The following COL12A1 variants were observed in gnomAD, a reference collection of about 807,000 sequenced individuals.
COL12A1 encodes the protein collagen type XII alpha 1 chain.
In COL12A1, 114 loss-of-function variants were observed where a neutral mutation model predicts 349.7. That is an observed-to-expected ratio of 0.33 (90% CI 0.28 to 0.38). The LOEUF (loss-of-function observed/expected upper bound fraction) is 0.38. COL12A1 is among the 10% of genes least tolerant of loss of function. The pLI is 1.00. For missense variants in COL12A1, 3,284 were observed against 3,756.9 expected (o/e 0.87, Z 3.29); for synonymous variants, 1,369 against 1,329.0 (o/e 1.03, Z -0.66).
At chr6:75,128,474 A>T (rs374239314) in intron 37 of COL12A1, 49 bp from the exon 38 acceptor site, 1 of 1,447,822 alleles carries the variant, frequency 6.9e-7, no homozygotes, top group Non-Finnish European at 9.2e-7. Flanking sequence ...GAAGACTTCC[A>T]GATCAAAAGA....
chr6:75,088,630 C>T (rs1767615067), intron 64 of COL12A1, among the ~76,000 whole-genome samples: 1 of 151,968 alleles, frequency 6.6e-6, no homozygotes, highest in South Asian at 2.1e-4. Flanking sequence ...ACAAAGGGAA[C>T]ATGAAAATGA....
At chr6:75,200,948 A>C (rs943502692) in intron 2 of COL12A1, among the ~76,000 whole-genome samples, 2 of 151,722 alleles carry the variant, frequency 1.3e-5, no homozygotes, top group Non-Finnish European at 2.9e-5. Flanking sequence ...TAAGAAGCAA[A>C]AAAAAAAAGA....
In COL12A1 at chr6:75,183,455, T is replaced by C. The variant is rs1438903540; in HGVS notation, c.1486A>G (p.Lys496Glu). The C allele has an allele frequency of 1.2e-6, 2 of 1,614,086 alleles. No homozygotes were observed. Among genetic ancestry groups the C allele is most frequent in the African/African-American group, 2.7e-5 (2 of 74,940 alleles). The change falls in exon 10 of 66, where the codon AAA (lysine) becomes GAA (glutamate). Residue 496 changes from lysine (K) to glutamate (E), a missense_variant. Lys to Glu is a moderately conservative substitution (Grantham distance 56). Around this residue, in one of 2 missense-constraint regions of COL12A1, gnomAD observed 2,601 missense variants for 2,824.8 expected, o/e 0.92. Transcript: ENST00000322507. ...ATTATATCTTCAACTTTGGTGAATT[T>C]TTTCAAAGTGAACTCAGTATGAGGA... ...RDPHTEFTLK[K>E]FTKVEDIIEA...
At chr6:75,158,372 G>GT (rs1263354627) in intron 14 of COL12A1, among the ~76,000 whole-genome samples, 1 of 152,110 alleles carries the variant, frequency 6.6e-6, no homozygotes, top group Non-Finnish European at 1.5e-5. Context: ...ATAAAGGAAG[G>GT]TGACCACACA....
intron 57 of COL12A1, 84 bp downstream of exon 57, chr6:75,101,915 A>C (rs181043725): frequency 2.1e-6 from 3 of 1,439,830 alleles, no homozygotes; most frequent in African/African-American, 1.4e-5. Context: ...CTGCTTTGCT[A>C]CTTAATCTGG....
chr6:75,145,612 T>C (rs1767138456), intron 24 of COL12A1, among the ~76,000 whole-genome samples, 157 bp from the exon 25 acceptor site: 1 of 119,838 alleles, frequency 8.3e-6, no homozygotes. Context: ...TGATGTTTTC[T>C]TTTTTTTTTT....
At chr6:75,170,650 A>G (rs1768578283) in intron 13 of COL12A1, among the ~76,000 whole-genome samples, 1 of 152,228 alleles carries the variant, frequency 6.6e-6, no homozygotes, top group Admixed American at 6.5e-5. Flanking sequence ...TCACAGAAAA[A>G]GGAAATAGAA....
intron 12 of COL12A1, among the ~76,000 whole-genome samples, 178 bp from the exon 13 acceptor site, chr6:75,175,488 T>A (rs1338938133): frequency 6.6e-6 from 1 of 152,230 alleles, no homozygotes; most frequent in African/African-American, 2.4e-5. Context: ...TCAGACCCTA[T>A]ATGTTAGTAG....
At chr6:75,164,535 T>C (rs1227069387) in intron 14 of COL12A1, among the ~76,000 whole-genome samples, 1 of 152,188 alleles carries the variant, frequency 6.6e-6, no homozygotes, top group Non-Finnish European at 1.5e-5. Flanking sequence ...ACAAATGACA[T>C]TTGCTTTGGT....
intron 5 of COL12A1, 67 bp from the exon 6 acceptor site, chr6:75,189,882 T>G: frequency 6.5e-7 from 1 of 1,531,650 alleles, no homozygotes; most frequent in Non-Finnish European, 8.8e-7. Flanking sequence ...CATGTTAACA[T>G]TGCAAAAATG....
At position 75,105,224 on chromosome 6, in the gene COL12A1, T is replaced by G; in HGVS notation, c.8247A>C (p.Pro2749=). 1 of 1,613,644 alleles carries G rather than the reference T, an allele frequency of 6.2e-7. No homozygotes were observed. Among genetic ancestry groups the G allele is most frequent in the Non-Finnish European group, 8.5e-7 (1 of 1,179,750 alleles). The change falls in exon 54 of 66, where the codon CCA becomes CCC. Residue 2749 remains proline, a synonymous_variant. Transcript: ENST00000322507. The stretch of plus-strand genomic sequence containing the variant: ...TCCTTACTGCAGGGCCTGGAGGTCC[T>G]GGAGGTCCAACGCTGTCCTGTGTAC... ...CTCTQDSVGP[P]GPPGPAGGPG...
At chr6:75,137,832 G>A (rs910892334) in intron 30 of COL12A1, among the ~76,000 whole-genome samples, 1 of 152,014 alleles carries the variant, frequency 6.6e-6, no homozygotes, top group Non-Finnish European at 1.5e-5. Context: ...GGGGCCTTTG[G>A]GTGGTAATTA....
At chr6:75,190,662 C>G (rs2149476947) in intron 5 of COL12A1, among the ~76,000 whole-genome samples, 1 of 151,868 alleles carries the variant, frequency 6.6e-6, no homozygotes, top group East Asian at 1.9e-4. Context: ...TAATGCAATA[C>G]CAAGTGAATT....
At chr6:75,180,848 A>G in intron 11 of COL12A1, 91 bp downstream of exon 11, 1 of 1,434,838 alleles carries the variant, frequency 7.0e-7, no homozygotes, top group South Asian at 1.5e-5. Flanking sequence ...GCAATTCTGA[A>G]CTATAAAGCA....
chr6:75,106,874 CTTTTTT>C, intron 52 of COL12A1, among the ~76,000 whole-genome samples: 1 of 69,148 alleles, frequency 1.4e-5, no homozygotes, highest in East Asian at 3.7e-4. Context: ...TAGGTATTTT[CTTTTTT>C]TTTTTCTTTT....
In COL12A1 at chr6:75,146,191, G is replaced by T. The variant is rs1320005267; in HGVS notation, c.4471C>A (p.His1491Asn). The T allele has an allele frequency of 1.9e-6, 3 of 1,613,370 alleles. No homozygotes were observed. Among genetic ancestry groups the T allele is most frequent in the East Asian group, 4.5e-5 (2 of 44,850 alleles). ...NIYDVGPTTM[H>N]VQWQPVGGAT... is the part of the protein sequence containing the mutation. ...CCTCCCACAGGCTGCCACTGCACAT[G>T]CATGGTGGTAGGGCCAACATCATAA... Residue 1491 changes from histidine (H) to asparagine (N), a missense_variant, in exon 24 of 66, where the codon CAT (histidine) becomes AAT (asparagine). Physicochemically the swap from His to Asn is moderately conservative, Grantham distance 68 (BLOSUM62 1). Coordinates refer to ENST00000322507, the MANE Select transcript of COL12A1 (RefSeq NM_004370.6).
rs777424585 is a variant in COL12A1 at position 75,177,897 on chromosome 6, T to C, written c.2203A>G (p.Thr735Ala). ...APRNLKVTDE[T>A]TDSFKITWTQ... ...CAAGTAATTTTGAAACTATCTGTAG[T>C]CTCATCTGTCACCTTTAGGTTTCGA... is the stretch of plus-strand genomic sequence containing the variant. Residue 735 changes from threonine (T) to alanine (A), a missense_variant, in exon 12 of 66, where the codon ACT becomes GCT. Thr to Ala is a moderately conservative substitution (Grantham distance 58). Transcript: ENST00000322507. 1.2e-6 allele frequency: 2 copies of C among 1,612,630 alleles called. No homozygotes were observed. Among genetic ancestry groups the C allele is most frequent in the Admixed American group, 3.3e-5 (2 of 59,992 alleles).
In COL12A1 at chr6:75,125,167, A is replaced by G; in HGVS notation, c.6567T>C (p.Asp2189=). 1 of 1,612,614 alleles carries G rather than the reference A, an allele frequency of 6.2e-7. No individual in the cohort carries two copies. The highest frequency in any genetic ancestry group is 8.5e-7 in the Non-Finnish European group (1 of 1,179,092). ...TYDVNVYAQY[D]SGLSVPLTDQ... ...CTGTCAAGGGGACACTGAGTCCAGA[A>G]TCATATTGAGCATAAACATTCACAT... The change falls in exon 40 of 66, where the codon GAT becomes GAC. Residue 2189 remains aspartate (D), a synonymous_variant. Coordinates refer to ENST00000322507, the MANE Select transcript of COL12A1 (RefSeq NM_004370.6).
intron 46 of COL12A1, among the ~76,000 whole-genome samples, chr6:75,118,627 A>G (rs968220715): frequency 2.6e-5 from 4 of 152,322 alleles, no homozygotes; most frequent in East Asian, 1.9e-4. Context: ...TATTTGCAAC[A>G]TATCTTTTAG....
Sources: gnomAD v4.1 joint callset for allele counts (sites outside exome capture counted in the v4.1 genomes callset) on GRCh38, gnomAD v4.1.1 for gene constraint, gnomAD v4.1.1 regional missense constraint, MANE v1.5 for transcripts, NCBI Gene and HGNC (gene_info 2026-07-23, HGNC 2026-07-21) for gene names.